NTRK2: variants seen among roughly 807,000 people sequenced by gnomAD.
NTRK2 encodes neurotrophic receptor tyrosine kinase 2.
A neutral mutation model predicts 94.5 loss-of-function variants in NTRK2; 13 were observed. The observed-to-expected ratio is 0.14, with a 90% CI of 0.09 to 0.22. NTRK2 has a LOEUF of 0.22. NTRK2 is among the 10% of genes least tolerant of loss of function. The pLI, the probability that NTRK2 is intolerant of heterozygous loss-of-function variation, is 1.00. For missense variants in NTRK2, 639 were observed against 1,071.2 expected (o/e 0.60, Z 5.63); for synonymous variants, 372 against 407.4 (o/e 0.91, Z 1.05).
At chr9:84,915,970 A>G (rs1284541376) in intron 14 of NTRK2, among the ~76,000 whole-genome samples, 1 of 152,136 alleles carries the variant, frequency 6.6e-6, no homozygotes, top group Non-Finnish European at 1.5e-5. Context: ...TGAGGTTGAT[A>G]CAACAGTTTA....
chr9:84,872,243 A>C, intron 14 of NTRK2: 1 of 1,126,386 alleles, frequency 8.9e-7, no homozygotes, highest in Non-Finnish European at 1.1e-6. Context: ...CCTTTCCTTG[A>C]CTGCTGAGAA....
intron 17 of NTRK2, among the ~76,000 whole-genome samples, chr9:85,014,362 G>A (rs1030569608): frequency 5.3e-5 from 8 of 152,194 alleles, no homozygotes; most frequent in Admixed American, 5.2e-4. Context: ...AACGAGTGGT[G>A]CATTCCTCGT....
At chr9:84,726,892 A>G (rs1213024689) in intron 8 of NTRK2, among the ~76,000 whole-genome samples, 3 of 152,250 alleles carry the variant, frequency 2.0e-5, no homozygotes, top group Non-Finnish European at 2.9e-5. Flanking sequence ...TAAAAATTCT[A>G]CTTGATAATG....
At chr9:85,014,013 G>C (rs1831937401) in intron 17 of NTRK2, among the ~76,000 whole-genome samples, 1 of 152,200 alleles carries the variant, frequency 6.6e-6, no homozygotes, top group African/African-American at 2.4e-5. Flanking sequence ...TTGGGTCTGT[G>C]GAAAGGCTCC....
intron 17 of NTRK2, among the ~76,000 whole-genome samples, chr9:84,984,856 G>A (rs1273593784): frequency 6.6e-6 from 1 of 152,158 alleles, no homozygotes; most frequent in East Asian, 1.9e-4. Flanking sequence ...TATTTTTGTT[G>A]TCTTCATCCT....
At chr9:84,867,603 G>A (rs1278405814) in intron 14 of NTRK2, among the ~76,000 whole-genome samples, 172 bp downstream of exon 14, 2 of 152,170 alleles carry the variant, frequency 1.3e-5, no homozygotes, top group African/African-American at 4.8e-5. Context: ...GTTGCTTATG[G>A]AATTCTCCGG....
chr9:84,863,409 C>A lies in NTRK2; in HGVS notation c.1444+2322C>A, dbSNP rs79832155. Among the ~76,000 whole-genome samples the A allele has an allele frequency of 4.6e-3, 707 of 152,280 alleles. 13 individuals carry two copies. Among genetic ancestry groups the A allele is most frequent in the Admixed American group, 0.038 (574 of 15,288 alleles). On this transcript the variant is annotated intron_variant, in intron 13 of 18. Coordinates refer to ENST00000277120, the MANE Select transcript of NTRK2 (RefSeq NM_006180.6). ...TACCCTAAATCAGCCAAGTGTGCAC[C>A]TACCTCGCCATTTAAAACTTTATAT...
intron 17 of NTRK2, among the ~76,000 whole-genome samples, chr9:84,965,972 C>T (rs13298154): frequency 8.2e-4 from 125 of 152,262 alleles, no homozygotes; most frequent in African/African-American, 2.7e-3. Context: ...CCTACAGAGA[C>T]GTGAAAAACA....
At chr9:84,744,097 TACAA>T (rs2132355124) in intron 10 of NTRK2, among the ~76,000 whole-genome samples, 1 of 152,300 alleles carries the variant, frequency 6.6e-6, no homozygotes, top group East Asian at 1.9e-4. Context: ...AGAATTAAAA[TACAA>T]ACATTATAAA....
intron 12 of NTRK2, among the ~76,000 whole-genome samples, chr9:84,771,003 A>G (rs1014181290): frequency 3.3e-5 from 5 of 152,238 alleles, no homozygotes; most frequent in African/African-American, 1.2e-4. Context: ...CTAAAATGAA[A>G]GGAGACTGTC....
chr9:85,007,259 A>T (rs1831073184), intron 17 of NTRK2, among the ~76,000 whole-genome samples: 1 of 152,238 alleles, frequency 6.6e-6, no homozygotes, highest in African/African-American at 2.4e-5. Flanking sequence ...CCAGGTAAAA[A>T]TTGAAGAGCA....
chr9:84,906,319 G>T (rs61645370), intron 14 of NTRK2, among the ~76,000 whole-genome samples: 9,033 of 152,218 alleles, frequency 0.059, 891 homozygotes, highest in African/African-American at 0.2. Flanking sequence ...GACAAGAGCA[G>T]CTCTGAGGGG....
intron 12 of NTRK2, among the ~76,000 whole-genome samples, chr9:84,826,333 C>G (rs910165456): frequency 6.6e-6 from 1 of 152,196 alleles, no homozygotes; most frequent in Non-Finnish European, 1.5e-5. Context: ...AGCTCGCCTT[C>G]TCCCTGAGTC....
At chr9:84,838,220 T>A (rs1260443192) in intron 12 of NTRK2, among the ~76,000 whole-genome samples, 2 of 152,096 alleles carry the variant, frequency 1.3e-5, no homozygotes, top group East Asian at 3.9e-4. Flanking sequence ...CAGGAACAGC[T>A]ATAGTACATC....
chr9:84,981,572 C>T (rs1008915437), intron 17 of NTRK2, among the ~76,000 whole-genome samples: 5 of 151,882 alleles, frequency 3.3e-5, no homozygotes, highest in South Asian at 4.2e-4. Flanking sequence ...AATTTATTTG[C>T]CCTGTATTCA....
intron 12 of NTRK2, among the ~76,000 whole-genome samples, chr9:84,801,708 C>T (rs1215960038): frequency 3.9e-5 from 6 of 152,162 alleles, no homozygotes; most frequent in South Asian, 2.1e-4. Context: ...ACATTTTCAA[C>T]GTACTATATT....
intron 17 of NTRK2, among the ~76,000 whole-genome samples, chr9:84,958,230 A>G (rs1346130442): frequency 6.6e-6 from 1 of 152,218 alleles, no homozygotes; most frequent in East Asian, 1.9e-4. Context: ...ATTCACTTTA[A>G]AGGCTAAATA....
intron 12 of NTRK2, among the ~76,000 whole-genome samples, chr9:84,858,869 AG>A (rs1317315151): frequency 1.3e-5 from 2 of 152,366 alleles, no homozygotes; most frequent in East Asian, 3.9e-4. Context: ...CAACTAAAAA[AG>A]AATGAAAAAA....
At chr9:84,709,885 C>T (rs1266676578) in intron 5 of NTRK2, among the ~76,000 whole-genome samples, 1 of 151,912 alleles carries the variant, frequency 6.6e-6, no homozygotes, top group Non-Finnish European at 1.5e-5. Flanking sequence ...GTCTGAATGG[C>T]GGTGGCTTTC....
Sources: allele counts gnomAD v4.1 joint callset (sites outside exome capture counted in the v4.1 genomes callset), GRCh38; gene constraint gnomAD v4.1.1; transcripts MANE v1.5; gene names NCBI Gene and HGNC (gene_info 2026-07-23, HGNC 2026-07-21).